ASIC2: variants seen among roughly 807,000 people sequenced by gnomAD.
The protein encoded by ASIC2 is acid-sensing ion channel 2.
Under a neutral mutation model 57.3 loss-of-function variants are expected in ASIC2, and 25 were observed. The observed-to-expected ratio is 0.44, with a 90% CI of 0.32 to 0.61. ASIC2 has a LOEUF of 0.61. ASIC2 is among the 20% of genes least tolerant of loss of function. The pLI is 0.06. For synonymous variants in ASIC2, 319 were observed against 307.5 expected, an observed-to-expected ratio of 1.04 and a Z score of -0.39; for missense variants, 641 against 738.1, an observed-to-expected ratio of 0.87 and a Z score of 1.52.
At chr17:33,015,928 G>A in intron 9 of ASIC2, 43 bp downstream of exon 9, 1 of 1,605,840 alleles carries the variant, frequency 6.2e-7, no homozygotes, top group Non-Finnish European at 8.5e-7. Context: ...GCCGGTACAA[G>A]CCAGAGCAGC....
At chr17:33,529,303 C>T (rs1047110297) in intron 1 of ASIC2, among the ~76,000 whole-genome samples, 5 of 152,190 alleles carry the variant, frequency 3.3e-5, no homozygotes, top group Admixed American at 6.5e-5. Context: ...GGGGTAGGAA[C>T]CAAACACTGA....
intron 1 of ASIC2, among the ~76,000 whole-genome samples, chr17:33,320,521 G>T (rs1597681615): frequency 6.6e-6 from 1 of 152,338 alleles, no homozygotes; most frequent in East Asian, 1.9e-4. Flanking sequence ...TGGAGACAGA[G>T]CTGGTGCCAG....
At chr17:33,153,220 G>A (rs1904871685) in intron 1 of ASIC2, among the ~76,000 whole-genome samples, 1 of 152,220 alleles carries the variant, frequency 6.6e-6, no homozygotes, top group South Asian at 2.1e-4. Context: ...GGCACCCAGG[G>A]CCCCCAGTGT....
chr17:33,509,174 G>C (rs997507187), intron 1 of ASIC2, among the ~76,000 whole-genome samples: 5 of 152,178 alleles, frequency 3.3e-5, no homozygotes, highest in Non-Finnish European at 7.4e-5. Context: ...GGGGAGGAAG[G>C]TAGGACGGAG....
chr17:33,475,132 A>T (rs544341443), intron 1 of ASIC2, among the ~76,000 whole-genome samples: 2 of 151,958 alleles, frequency 1.3e-5, no homozygotes, highest in Admixed American at 1.3e-4. Context: ...AGCCTGAGAC[A>T]CTCTTTCCCC....
At chr17:33,843,418 T>G (rs777817929) in intron 1 of ASIC2, among the ~76,000 whole-genome samples, 9 of 152,254 alleles carry the variant, frequency 5.9e-5, no homozygotes, top group Non-Finnish European at 1.3e-4. Context: ...TCAATTAATG[T>G]GGCATTTTAA....
At chr17:33,209,876 C>CTGACCAG (rs1364267723) in intron 1 of ASIC2, among the ~76,000 whole-genome samples, 2 of 152,228 alleles carry the variant, frequency 1.3e-5, no homozygotes, top group Non-Finnish European at 2.9e-5. Flanking sequence ...GCTGACCTAA[C>CTGACCAG]TGACCAGTCA....
chr17:33,369,990 G>A lies in ASIC2; in HGVS notation c.556-257923C>T, dbSNP rs554044993. The stretch of plus-strand genomic sequence containing the variant: ...TTCTGCAGCATTGTCTCCCAAAGAG[G>A]TCTGGATTCCTAAGACTGAGGTCCT... On this transcript the variant is annotated intron_variant, in intron 1 of 9. Coordinates refer to the ASIC2 transcript ENST00000359872. Among the ~76,000 whole-genome samples, 3 of 152,270 alleles carry A rather than the reference G, an allele frequency of 2.0e-5. No homozygotes were observed. The South Asian group carries it at 6.2e-4, about 32-fold the overall frequency.
At chr17:33,789,174 C>T (rs1410302301) in intron 1 of ASIC2, among the ~76,000 whole-genome samples, 1 of 152,152 alleles carries the variant, frequency 6.6e-6, no homozygotes, top group Non-Finnish European at 1.5e-5. Flanking sequence ...CATCATGCTT[C>T]CTGTACAGCC....
chr17:33,445,387 T>C (rs1036923188), intron 1 of ASIC2, among the ~76,000 whole-genome samples: 4 of 152,178 alleles, frequency 2.6e-5, no homozygotes, highest in Non-Finnish European at 2.9e-5. Context: ...GCTGAGATCA[T>C]GCCACTGCAC....
chr17:33,485,738 A>G lies in ASIC2; in HGVS notation c.556-373671T>C, dbSNP rs1378982126. Among the ~76,000 whole-genome samples the G allele has an allele frequency of 5.3e-5, 8 of 152,220 alleles. No homozygotes were observed. In the East Asian group the frequency reaches 9.6e-4, roughly 18 times the overall value. On this transcript the variant is annotated intron_variant, in intron 1 of 9. Coordinates refer to the ASIC2 transcript ENST00000359872. ...CTTCAATCTGGGAGACAGATTAAGTACAAGAGAACTCAGGAACTTGGGGGA... is the reference window on the plus strand; with the variant it reads ...CTTCAATCTGGGAGACAGATTAAGTGCAAGAGAACTCAGGAACTTGGGGGA...
chr17:33,485,108 C>T (rs1168028650), intron 1 of ASIC2, among the ~76,000 whole-genome samples: 2 of 152,256 alleles, frequency 1.3e-5, no homozygotes, highest in Admixed American at 6.5e-5. Flanking sequence ...GGCCCACCTG[C>T]CCTGCAACAT....
chr17:33,284,909 G>T (rs192590694), intron 1 of ASIC2, among the ~76,000 whole-genome samples: 1 of 152,158 alleles, frequency 6.6e-6, no homozygotes, highest in Non-Finnish European at 1.5e-5. Flanking sequence ...CAGTCACTCC[G>T]ATGAGGCACA....
chr17:33,539,307 T>A (rs750577358), intron 1 of ASIC2, among the ~76,000 whole-genome samples: 1 of 152,244 alleles, frequency 6.6e-6, no homozygotes, highest in Non-Finnish European at 1.5e-5. Context: ...TTCTGGACTT[T>A]CCCTGGTGTC....
chr17:33,791,828 G>C (rs550340470), intron 1 of ASIC2: 9 of 151,476 alleles, frequency 5.9e-5, no homozygotes, highest in African/African-American at 2.2e-4. Flanking sequence ...TTTATTTTAA[G>C]ACAAGATCTC....
intron 1 of ASIC2, among the ~76,000 whole-genome samples, chr17:33,984,586 C>T (rs1453425564): frequency 3.9e-5 from 6 of 152,160 alleles, no homozygotes; most frequent in East Asian, 3.8e-4. Flanking sequence ...AACCACCCGA[C>T]GATGCAGACA....
chr17:33,134,558 G>A (rs1226163918), intron 1 of ASIC2, among the ~76,000 whole-genome samples: 1 of 152,222 alleles, frequency 6.6e-6, no homozygotes, highest in East Asian at 1.9e-4. Context: ...CTTACTTTCA[G>A]TCATGTTTCA....
At chr17:33,911,970 G>A (rs1389152995) in intron 1 of ASIC2, among the ~76,000 whole-genome samples, 1 of 151,028 alleles carries the variant, frequency 6.6e-6, no homozygotes, top group Admixed American at 6.6e-5. Context: ...AAGAAACCCC[G>A]TGTCTACTAA....
chr17:33,220,809 TGTAA>T (rs1907661342), intron 1 of ASIC2, among the ~76,000 whole-genome samples: 2 of 152,178 alleles, frequency 1.3e-5, no homozygotes, highest in African/African-American at 4.8e-5. Context: ...GGCTCATACC[TGTAA>T]TCCCAGTACT....
Sources: allele counts gnomAD v4.1 joint callset (sites outside exome capture counted in the v4.1 genomes callset), GRCh38; gene constraint gnomAD v4.1.1; transcripts MANE v1.5; gene names NCBI Gene and HGNC (gene_info 2026-07-23, HGNC 2026-07-21).